CDH23: variants seen among roughly 807,000 people sequenced by gnomAD.
CDH23 encodes the protein cadherin-23.
A neutral mutation model predicts 317.1 loss-of-function variants in CDH23; 189 were observed. The ratio of observed to expected loss-of-function variants is 0.60; its 90% CI spans 0.53 to 0.67. The LOEUF is 0.67. Ranked by LOEUF, CDH23 falls within the 30% of genes least tolerant of loss-of-function variation. CDH23 has a pLI of 0.00. For synonymous variants in CDH23, 1,839 were observed against 1,876.8 expected (o/e 0.98, Z 0.52); for missense variants, 4,401 against 4,592.4 (o/e 0.96, Z 1.20).
At chr10:71,524,279 G>A (rs1397612931) in intron 6 of CDH23, among the ~76,000 whole-genome samples, 1 of 152,160 alleles carries the variant, frequency 6.6e-6, no homozygotes, top group Non-Finnish European at 1.5e-5. Context: ...CGGATTTGTT[G>A]CAGGATGCCG....
rs766472995 is a variant in CDH23 at position 71,785,560 on chromosome 10, T to C, written c.5713-71T>C. The C allele has an allele frequency of 8.9e-6, 9 of 1,008,964 alleles. 1 individual carries two copies. Among genetic ancestry groups the C allele is most frequent in the South Asian group, 8.3e-5 (6 of 72,502 alleles). 62.5% of individuals were successfully genotyped at this position (1,008,964 alleles called of 1,614,324 possible). ...AATTTAGGGAGGCCAAGCAGAGCAG[T>C]TGGCATCTGTGGGCCAAAGTAGAAA... On this transcript the variant is annotated intron_variant, in intron 43 of 69. Transcript: ENST00000224721.
chr10:71,595,953 A>G (rs1247389665), intron 9 of CDH23, among the ~76,000 whole-genome samples: 5 of 152,170 alleles, frequency 3.3e-5, no homozygotes, highest in Admixed American at 2.0e-4. Flanking sequence ...CTCCAGGGAA[A>G]CTGAAGCCCA....
At chr10:71,772,399 C>G (rs905040641) in intron 38 of CDH23, among the ~76,000 whole-genome samples, 2 of 152,224 alleles carry the variant, frequency 1.3e-5, no homozygotes, top group African/African-American at 4.8e-5. Context: ...TCCCTGGGCC[C>G]TCCCTATAAA....
At chr10:71,711,203 CAGG>C (rs1169330897) in intron 27 of CDH23, among the ~76,000 whole-genome samples, 1 of 152,146 alleles carries the variant, frequency 6.6e-6, no homozygotes, top group Non-Finnish European at 1.5e-5. Context: ...CATTGCCTGG[CAGG>C]AGGAGAGGGC....
rs781705910 is a variant in CDH23, at chr10:71,511,103, CGCCTTTCTCTTGCCA to C, written c.337-15_337-1del. ...GAGTCAGGTGGCGGCGCTAATTGCCCGCCTTTCTCTTGCCAGGTGATCACACGGAAGGTGAACATC... is the reference window on the plus strand; with the variant it reads ...GAGTCAGGTGGCGGCGCTAATTGCCCGGTGATCACACGGAAGGTGAACATC... On this transcript the variant is annotated splice_acceptor_variant and splice_polypyrimidine_tract_variant and intron_variant, in intron 5 of 69. Transcript: ENST00000224721. LOFTEE classifies it high-confidence loss of function. 6.2e-7 allele frequency: 1 copy of C among 1,613,370 alleles called. No individual in the cohort carries two copies. Among genetic ancestry groups the C allele is most frequent in the Non-Finnish European group, 8.5e-7 (1 of 1,179,372 alleles).
intron 3 of CDH23, among the ~76,000 whole-genome samples, chr10:71,449,805 A>G (rs1564587488): frequency 6.6e-6 from 1 of 152,200 alleles, no homozygotes; most frequent in Non-Finnish European, 1.5e-5. Context: ...ACAGGGGGCC[A>G]GTGGCCTGGG....
At chr10:71,689,267 G>A (rs1053603227) in intron 19 of CDH23, among the ~76,000 whole-genome samples, 2 of 151,886 alleles carry the variant, frequency 1.3e-5, no homozygotes, top group African/African-American at 4.8e-5. Flanking sequence ...CTGGCACCAC[G>A]AGGCCTTCTA....
chr10:71,504,997 G>C (rs1480730874), intron 3 of CDH23, among the ~76,000 whole-genome samples: 1 of 152,218 alleles, frequency 6.6e-6, no homozygotes, highest in Non-Finnish European at 1.5e-5. Flanking sequence ...CCAGTCAAGA[G>C]GGCCTGGGAA....
intron 11 of CDH23, among the ~76,000 whole-genome samples, chr10:71,618,593 T>G (rs1861309907): frequency 6.6e-6 from 1 of 152,196 alleles, no homozygotes; most frequent in Non-Finnish European, 1.5e-5. Flanking sequence ...CTTCGATTAC[T>G]CCTTGCGTGG....
At chr10:71,430,309 A>G (rs769689839) in intron 1 of CDH23, among the ~76,000 whole-genome samples, 47 of 150,610 alleles carry the variant, frequency 3.1e-4, no homozygotes, top group African/African-American at 1.1e-3. Flanking sequence ...AAAAAAAGTG[A>G]GAGCCCAGTG....
intron 1 of CDH23, among the ~76,000 whole-genome samples, chr10:71,432,259 AGT>A (rs138619173): frequency 3.2e-4 from 47 of 148,820 alleles, no homozygotes; most frequent in East Asian, 1.0e-3. Context: ...TGTGTTTGAG[AGT>A]GTGTGTGTGC....
chr10:71,657,423 G>A (rs191985201), intron 14 of CDH23, among the ~76,000 whole-genome samples: 1 of 152,318 alleles, frequency 6.6e-6, no homozygotes, highest in Admixed American at 6.5e-5. Flanking sequence ...GGTTCTCCAT[G>A]GTTTTCTAGA....
At chr10:71,666,187 C>T (rs1319856438) in intron 14 of CDH23, among the ~76,000 whole-genome samples, 1 of 152,034 alleles carries the variant, frequency 6.6e-6, no homozygotes, top group Non-Finnish European at 1.5e-5. Flanking sequence ...TGCTTTGAGC[C>T]TCCAGCCCAG....
At chr10:71,813,079 A>G (rs1404707298) in intron 68 of CDH23, among the ~76,000 whole-genome samples, 165 bp from the exon 69 acceptor site, 1 of 152,064 alleles carries the variant, frequency 6.6e-6, no homozygotes, top group Admixed American at 6.5e-5. Context: ...GAGTGAGTCC[A>G]CCTGTGTCCA....
chr10:71,796,357 G>T (rs1033209050), intron 48 of CDH23, among the ~76,000 whole-genome samples: 1 of 152,170 alleles, frequency 6.6e-6, no homozygotes, highest in African/African-American at 2.4e-5. Context: ...AGCAGGCAGG[G>T]ACTCTGGGAG....
At chr10:71,459,536 C>T (rs1314262318) in intron 3 of CDH23, among the ~76,000 whole-genome samples, 1 of 152,176 alleles carries the variant, frequency 6.6e-6, no homozygotes, top group East Asian at 1.9e-4. Flanking sequence ...GTGGCCAAAG[C>T]CCACTGTGCT....
At chr10:71,533,525 C>CCCCCCCCA (rs1249775933) in intron 6 of CDH23, among the ~76,000 whole-genome samples, 3 of 130,752 alleles carry the variant, frequency 2.3e-5, no homozygotes, top group African/African-American at 9.0e-5. Context: ...TGGCTGGACA[C>CCCCCCCCA]CACACACACA....
rs145895631 is a variant in CDH23 at position 71,507,225 on chromosome 10, A to G, written c.146-2857A>G. Among the ~76,000 whole-genome samples the G allele has an allele frequency of 6.6e-3, 1,006 of 152,314 alleles. 11 individuals are homozygous for G. Among genetic ancestry groups the G allele is most frequent in the African/African-American group, 0.019 (782 of 41,570 alleles). On this transcript the variant is annotated intron_variant, in intron 3 of 69. Coordinates refer to ENST00000224721, the MANE Select transcript of CDH23 (RefSeq NM_022124.6). ...GACAAGCAAGGCGCTTATGGGCCTC[A>G]GTTTCCCCATCTGGAATCTGCCCAA...
intron 30 of CDH23, among the ~76,000 whole-genome samples, chr10:71,727,687 C>T (rs1264797592): frequency 6.6e-6 from 1 of 152,104 alleles, no homozygotes; most frequent in Non-Finnish European, 1.5e-5. Flanking sequence ...GCACATATGC[C>T]CACGCACACC....
Sources: allele counts gnomAD v4.1 joint callset (sites outside exome capture counted in the v4.1 genomes callset), GRCh38; gene constraint gnomAD v4.1.1; transcripts MANE v1.5; gene names NCBI Gene and HGNC (gene_info 2026-07-23, HGNC 2026-07-21).